RB1: variants seen among roughly 807,000 people sequenced by gnomAD.
RB1 encodes retinoblastoma-associated protein.
Under a neutral mutation model 135.4 loss-of-function variants are expected in RB1, and 18 were observed. That is an observed-to-expected ratio of 0.13 (90% CI 0.09 to 0.20). The LOEUF (loss-of-function observed/expected upper bound fraction) is 0.20, where lower values mean the gene tolerates loss of function less well. RB1 is among the 10% of genes least tolerant of loss of function. The pLI, the probability that RB1 is intolerant of heterozygous loss-of-function variation, is 1.00. For missense variants in RB1, 868 were observed against 1,110.0 expected, an observed-to-expected ratio of 0.78 and a Z score of 3.10; for synonymous variants, 365 against 373.2, an observed-to-expected ratio of 0.98 and a Z score of 0.25.
intron 2 of RB1, chr13:48,317,715 C>G (rs971873741): frequency 3.9e-6 from 2 of 516,942 alleles, no homozygotes; most frequent in Non-Finnish European, 6.0e-6. Context: ...CAGCGGGGAG[C>G]CCCTTCCTGC....
rs1948534207 is a variant in RB1, at chr13:48,381,350, T to C, written c.1602T>C (p.Ser534=). The part of the protein sequence containing the change: ...KAFDFYKVIE[S]FIKAEGNLTR... ...TTGATTTTTACAAAGTGATCGAAAG[T>C]TTTATCAAAGCAGAAGGCAACTTGA... Residue 534 remains serine, a synonymous_variant, in exon 17 of 27, where the codon AGT becomes AGC. Transcript: ENST00000267163. 1 of 1,611,702 alleles carries C rather than the reference T, an allele frequency of 6.2e-7. No individual in the cohort carries two copies.
At chr13:48,434,185 G>A (rs1755893384) in intron 17 of RB1, among the ~76,000 whole-genome samples, 1 of 151,938 alleles carries the variant, frequency 6.6e-6, no homozygotes, top group Non-Finnish European at 1.5e-5. Context: ...GGTGGCTCAT[G>A]CCTGTAATCC....
rs534827350 is a variant in RB1, at chr13:48,315,747, C to T, written c.264+8341C>T. ...TACCACACTTTCTTTATCCACTAATCGGCTGATGGGCACTTCAGTTGATTC... is the reference window on the plus strand; with the variant it reads ...TACCACACTTTCTTTATCCACTAATTGGCTGATGGGCACTTCAGTTGATTC... On this transcript the variant is annotated intron_variant, in intron 2 of 26. Transcript: ENST00000267163. Among the ~76,000 whole-genome samples, 41 of 152,298 alleles carry T rather than the reference C, an allele frequency of 2.7e-4. 1 individual carries two copies. The highest frequency in any genetic ancestry group is 6.3e-4 in the African/African-American group (26 of 41,560).
chr13:48,368,962 T>G (rs2138124154), intron 11 of RB1, among the ~76,000 whole-genome samples: 1 of 152,130 alleles, frequency 6.6e-6, no homozygotes, highest in Admixed American at 6.5e-5. Context: ...GCTGAGATCG[T>G]GCCATTGCAC....
intron 2 of RB1, among the ~76,000 whole-genome samples, chr13:48,325,735 T>A (rs1952282274): frequency 6.6e-6 from 1 of 152,176 alleles, no homozygotes; most frequent in African/African-American, 2.4e-5. Flanking sequence ...TTTATGAATT[T>A]CATTGTTGAG....
intron 17 of RB1, chr13:48,391,535 T>C (rs1313226028): frequency 6.6e-6 from 1 of 152,086 alleles, no homozygotes; most frequent in African/African-American, 2.4e-5. Flanking sequence ...CGGGAGGATC[T>C]CTTGAAGCCA....
intron 2 of RB1, among the ~76,000 whole-genome samples, chr13:48,325,440 A>G (rs1952279315): frequency 6.6e-6 from 1 of 152,188 alleles, no homozygotes; most frequent in Non-Finnish European, 1.5e-5. Context: ...TTACTTATCT[A>G]CACCTTTTAA....
chr13:48,351,833 C>T (rs1952551619), intron 6 of RB1, among the ~76,000 whole-genome samples: 1 of 151,932 alleles, frequency 6.6e-6, no homozygotes, highest in Non-Finnish European at 1.5e-5. Flanking sequence ...ACCACCATGC[C>T]CGGCTAATTT....
Position 48,347,881 on chromosome 13 carries a change from T to C in RB1, c.539+18T>C, listed in dbSNP as rs1368410297. On this transcript the variant is annotated intron_variant, in intron 5 of 26. Coordinates refer to ENST00000267163, the MANE Select transcript of RB1 (RefSeq NM_000321.3). ...AGCAGTTCGTAAGTAGTTCACAGAA[T>C]GTTATTTTTCACTTAAAAAAAAAGA... 3.8e-6 allele frequency: 6 copies of C among 1,564,946 alleles called. No homozygotes were observed. Among genetic ancestry groups the C allele is most frequent in the Non-Finnish European group, 5.3e-6 (6 of 1,137,228 alleles).
At chr13:48,327,099 GA>G (rs58805302) in intron 2 of RB1, among the ~76,000 whole-genome samples, 7,731 of 151,986 alleles carry the variant, frequency 0.051, 609 homozygotes, top group African/African-American at 0.17. Context: ...ATTCAAATTG[GA>G]TTTCACAAGT....
intron 2 of RB1, chr13:48,328,665 A>T: frequency 2.0e-6 from 1 of 501,254 alleles, no homozygotes; most frequent in East Asian, 3.8e-5. Context: ...ATTTCTTTTA[A>T]CTTTCTCCAC....
intron 17 of RB1, among the ~76,000 whole-genome samples, chr13:48,400,065 G>T (rs1948678778): frequency 6.6e-6 from 1 of 152,014 alleles, no homozygotes; most frequent in South Asian, 2.1e-4. Flanking sequence ...AACAACTCAG[G>T]AATGTCCTGT....
intron 17 of RB1, among the ~76,000 whole-genome samples, chr13:48,443,619 GAC>G (rs1398697125): frequency 6.6e-6 from 1 of 152,142 alleles, no homozygotes; most frequent in Non-Finnish European, 1.5e-5. Flanking sequence ...GAAAGTAAAA[GAC>G]ACATCATTCT....
At chr13:48,317,008 T>C (rs1437814772) in intron 2 of RB1, 2 of 536,742 alleles carry the variant, frequency 3.7e-6, no homozygotes, top group African/African-American at 2.0e-5. Context: ...AGGTCTAAAA[T>C]GCTTTCCTCC....
In RB1 at chr13:48,481,161, AT is replaced by A. The variant is rs1471251780; in HGVS notation, c.*1092del. The A allele has an allele frequency of 8.7e-6, 2 of 230,896 alleles. No homozygotes were observed. Among genetic ancestry groups the A allele is most frequent in the Non-Finnish European group, 1.7e-5 (2 of 116,432 alleles). The allele number at this position is 230,896 out of a possible 1,614,324, so 14.3% of individuals were successfully genotyped here. The stretch of plus-strand genomic sequence containing the variant: ...CTTCCATGTATCTTTTGAACTGGCA[AT>A]TGTCTATTTATCTTTTATTTTTTTA... On this transcript the variant is annotated 3_prime_UTR_variant, in exon 27 of 27. Transcript: ENST00000267163.
At chr13:48,396,192 A>T (rs1376571761) in intron 17 of RB1, among the ~76,000 whole-genome samples, 1 of 152,218 alleles carries the variant, frequency 6.6e-6, no homozygotes, top group Non-Finnish European at 1.5e-5. Flanking sequence ...TAGCCGAGAC[A>T]ATCTTAAGCA....
chr13:48,314,720 G>A (rs1952165219), intron 2 of RB1, among the ~76,000 whole-genome samples: 1 of 151,668 alleles, frequency 6.6e-6, no homozygotes, highest in Non-Finnish European at 1.5e-5. Context: ...AGAATCGCTT[G>A]AACCCGGGAG....
chr13:48,338,614 T>C (rs1952408700), intron 2 of RB1, among the ~76,000 whole-genome samples: 1 of 152,196 alleles, frequency 6.6e-6, no homozygotes, highest in African/African-American at 2.4e-5. Flanking sequence ...CTTCTTTATG[T>C]TGGGTTAGAA....
chr13:48,381,923 C>T (rs1254696154), intron 17 of RB1, among the ~76,000 whole-genome samples: 1 of 152,092 alleles, frequency 6.6e-6, no homozygotes, highest in Non-Finnish European at 1.5e-5. Context: ...TCATTTCCCA[C>T]CTATGAGTGA....
Sources: gnomAD v4.1 joint callset for allele counts (sites outside exome capture counted in the v4.1 genomes callset) on GRCh38, gnomAD v4.1.1 for gene constraint, MANE v1.5 for transcripts, NCBI Gene and HGNC (gene_info 2026-07-23, HGNC 2026-07-21) for gene names.